PCDHGA11: variants seen among roughly 807,000 people sequenced by gnomAD.
PCDHGA11 encodes protocadherin gamma-A11.
Under a neutral mutation model 60.4 loss-of-function variants are expected in PCDHGA11, and 39 were observed. The ratio of observed to expected loss-of-function variants is 0.65; its 90% CI spans 0.50 to 0.84. The LOEUF (loss-of-function observed/expected upper bound fraction) is 0.84. Among genes scored for constraint, PCDHGA11 ranks in the 40% least tolerant of loss-of-function variants. PCDHGA11 has a pLI of 0.00. For synonymous variants in PCDHGA11, 533 were observed against 510.3 expected, an observed-to-expected ratio of 1.04 and a Z score of -0.60; for missense variants, 1,165 against 1,197.7, an observed-to-expected ratio of 0.97 and a Z score of 0.40.
In PCDHGA11 at chr5:141,423,374, G is replaced by T. The variant is rs1356564295; in HGVS notation, c.2147G>T (p.Arg716Met). 1.2e-6 allele frequency: 2 copies of T among 1,614,188 alleles called. No individual in the cohort carries two copies. The highest frequency in any genetic ancestry group is 1.7e-5 in the Admixed American group (1 of 60,036). ...LVFVIVLLALRLWRWHKSRLL... is the reference protein window; with the variant it reads ...LVFVIVLLALMLWRWHKSRLL... ...TTTGTCATCGTGCTGCTGGCACTCA[G>T]GCTGTGGCGCTGGCATAAGTCACGC... The change falls in exon 1 of 4, where the codon AGG (arginine) becomes ATG (methionine). Residue 716 changes from arginine to methionine, a missense_variant. Coordinates refer to ENST00000398587, the MANE Select transcript of PCDHGA11 (RefSeq NM_018914.3).
intron 1 of PCDHGA11, chr5:141,424,572 T>C (rs1272121500): frequency 6.6e-6 from 1 of 152,238 alleles, no homozygotes; most frequent in East Asian, 1.9e-4. Context: ...CAAAAACCTA[T>C]TTTCAAATGT....
At chr5:141,434,070 T>C (rs1004240895) in intron 1 of PCDHGA11, among the ~76,000 whole-genome samples, 3 of 152,226 alleles carry the variant, frequency 2.0e-5, no homozygotes, top group Non-Finnish European at 2.9e-5. Context: ...TCTGTTAATA[T>C]CAATTATTTA....
In PCDHGA11 at chr5:141,421,919, TG is replaced by T; in HGVS notation, c.694del (p.Val232TrpfsTer5). On this transcript the variant is annotated frameshift_variant, in exon 1 of 4. Coordinates refer to ENST00000398587, the MANE Select transcript of PCDHGA11 (RefSeq NM_018914.3). LOFTEE classifies it high-confidence loss of function. ...CGAAAGGGCGCAGTTCCCATTCGTG[TG>T]GTGGTCCTCGATGTAAATGATCACA... ...PIRKGAVPIR[V>X]VVLDVNDHIP... 1 of 1,613,642 alleles carries T rather than the reference TG, an allele frequency of 6.2e-7. No homozygotes were observed. Among genetic ancestry groups the T allele is most frequent in the Non-Finnish European group, 8.5e-7 (1 of 1,179,828 alleles).
intron 3 of PCDHGA11, among the ~76,000 whole-genome samples, chr5:141,510,369 C>G (rs1403924479): frequency 7.1e-6 from 1 of 140,308 alleles, no homozygotes; most frequent in Non-Finnish European, 1.6e-5. Context: ...TACCGAATCT[C>G]TACTCGTGCC....
intron 3 of PCDHGA11, among the ~76,000 whole-genome samples, chr5:141,506,429 A>G (rs1406730781): frequency 7.0e-6 from 1 of 143,144 alleles, no homozygotes; most frequent in Non-Finnish European, 1.5e-5. Flanking sequence ...CCTGGGCAAC[A>G]GTCTCGCTCT....
At chr5:141,498,467 G>C (rs535351060) in intron 2 of PCDHGA11, among the ~76,000 whole-genome samples, 1 of 152,116 alleles carries the variant, frequency 6.6e-6, no homozygotes, top group East Asian at 1.9e-4. Context: ...GTCTAACCCT[G>C]GTTCCAGCCT....
At chr5:141,442,005 C>G (rs1037210381) in intron 1 of PCDHGA11, 1 of 229,014 alleles carries the variant, frequency 4.4e-6, no homozygotes. Flanking sequence ...GCTGACAGCT[C>G]GCACGATGGG....
At chr5:141,446,202 G>T (rs780900822) in intron 1 of PCDHGA11, among the ~76,000 whole-genome samples, 13 of 152,094 alleles carry the variant, frequency 8.5e-5, no homozygotes, top group Non-Finnish European at 1.8e-4. Context: ...ATATTCCTAG[G>T]TGTCTGAAAA....
At chr5:141,465,767 T>A (rs1427458413) in intron 1 of PCDHGA11, among the ~76,000 whole-genome samples, 1 of 152,016 alleles carries the variant, frequency 6.6e-6, no homozygotes, top group Non-Finnish European at 1.5e-5. Context: ...TCATGTTTCA[T>A]CTCTTGTTAC....
At chr5:141,498,222 T>A (rs1258826914) in intron 2 of PCDHGA11, among the ~76,000 whole-genome samples, 1 of 152,218 alleles carries the variant, frequency 6.6e-6, no homozygotes, top group East Asian at 1.9e-4. Flanking sequence ...GCATTCCAGA[T>A]GGTCAGGCAT....
intron 1 of PCDHGA11, among the ~76,000 whole-genome samples, chr5:141,480,106 A>C (rs1466691134): frequency 6.6e-6 from 1 of 152,196 alleles, no homozygotes; most frequent in Non-Finnish European, 1.5e-5. Context: ...AGTGTTTAGC[A>C]TGGTGCCTGG....
chr5:141,461,648 A>G (rs910827619), intron 1 of PCDHGA11, among the ~76,000 whole-genome samples: 2 of 152,070 alleles, frequency 1.3e-5, no homozygotes, highest in South Asian at 2.1e-4. Context: ...TCTTTGACCC[A>G]TGGATTATTT....
chr5:141,491,118 T>C lies in PCDHGA11; in HGVS notation c.2434-3689T>C, dbSNP rs1421005816. Reference sequence around the variant, plus strand: ...TGTTCCTCGTGTCTACACACACTGGTGAGGTGCGCACAGCCCGGGCCTTAC... The same window carrying C: ...TGTTCCTCGTGTCTACACACACTGGCGAGGTGCGCACAGCCCGGGCCTTAC... On this transcript the variant is annotated intron_variant, in intron 1 of 3. Coordinates refer to ENST00000398587, the MANE Select transcript of PCDHGA11 (RefSeq NM_018914.3). This position sits in a 1 kb window ranked among gnomAD's most constrained non-coding sequence, Gnocchi z 6.9. The C allele has an allele frequency of 1.2e-6, 2 of 1,613,926 alleles. No homozygotes were observed. Among genetic ancestry groups the C allele is most frequent in the African/African-American group, 2.7e-5 (2 of 74,890 alleles).
At chr5:141,434,035 T>C (rs2154556047) in intron 1 of PCDHGA11, among the ~76,000 whole-genome samples, 1 of 152,316 alleles carries the variant, frequency 6.6e-6, no homozygotes, top group Non-Finnish European at 1.5e-5. Flanking sequence ...AAGCATGGTT[T>C]TCTATTTTAT....
intron 1 of PCDHGA11, among the ~76,000 whole-genome samples, chr5:141,452,137 G>A (rs2154563838): frequency 6.6e-6 from 1 of 152,162 alleles, no homozygotes; most frequent in East Asian, 1.9e-4. Flanking sequence ...TGGCTCATGT[G>A]TTTTTTCCAA....
rs369942815 is a variant in PCDHGA11, at chr5:141,485,334, T to A, written c.2434-9473T>A. 5.4e-5 allele frequency: 87 copies of A among 1,614,056 alleles called. No individual in the cohort carries two copies. Among genetic ancestry groups the A allele is most frequent in the Non-Finnish European group, 7.0e-5 (83 of 1,180,026 alleles). On this transcript the variant is annotated intron_variant, in intron 1 of 3. Coordinates refer to ENST00000398587, the MANE Select transcript of PCDHGA11 (RefSeq NM_018914.3). The surrounding 1 kb of genome is among the most constrained non-coding windows in gnomAD (Gnocchi z 5.7). Reference sequence around the variant, plus strand: ...GGGAATGTCGCTCAAGATTTCCTGCTGGATACGGACAGTCTGTCAGCTCGC... The same window carrying A: ...GGGAATGTCGCTCAAGATTTCCTGCAGGATACGGACAGTCTGTCAGCTCGC...
chr5:141,431,178 TAA>T lies in PCDHGA11; in HGVS notation c.2433+7522_2433+7523del. On this transcript the variant is annotated intron_variant, in intron 1 of 3. Transcript: ENST00000398587. This position sits in a 1 kb window ranked among gnomAD's most constrained non-coding sequence, Gnocchi z 4.8. ...TACTTTCGTGAAAGTGAATTAGAAA[TAA>T]AAATTAGTGAAAATGCAGCCACTGA... is the stretch of plus-strand genomic sequence containing the variant. 1 of 1,614,078 alleles carries T rather than the reference TAA, an allele frequency of 6.2e-7. No homozygotes were observed. Among genetic ancestry groups the T allele is most frequent in the Non-Finnish European group, 8.5e-7 (1 of 1,180,000 alleles).
intron 1 of PCDHGA11, among the ~76,000 whole-genome samples, chr5:141,443,594 T>C (rs1040469046): frequency 1.3e-5 from 2 of 152,234 alleles, no homozygotes; most frequent in Non-Finnish European, 2.9e-5. Flanking sequence ...CAGAATGTGG[T>C]ATATGAAATG....
At position 141,422,330 on chromosome 5, in the gene PCDHGA11, C is replaced by T. The variant is rs200342957; in HGVS notation, c.1103C>T (p.Ala368Val). 1,454 of 1,548,164 alleles carry T rather than the reference C, an allele frequency of 9.4e-4. 3 individuals carry two copies. The highest frequency in any genetic ancestry group is 7.9e-4 in the Non-Finnish European group (910 of 1,153,526). The change falls in exon 1 of 4, where the codon GCT (alanine) becomes GTT (valine). Residue 368 changes from alanine (A) to valine (V), a missense_variant. By Grantham distance (64) the Ala-to-Val change is moderately conservative (BLOSUM62 0). Transcript: ENST00000398587. The stretch of plus-strand genomic sequence containing the variant: ...AACTCTCCTCCAGGTACAGTGATTG[C>T]TCTTCTAAATGTGCAAGATCAAGAT... ...LENSPPGTVI[A>V]LLNVQDQDSG...
Sources: allele counts gnomAD v4.1 joint callset (sites outside exome capture counted in the v4.1 genomes callset), GRCh38; gene constraint gnomAD v4.1.1; non-coding constraint Gnocchi (gnomAD v3.1); transcripts MANE v1.5; gene names NCBI Gene and HGNC (gene_info 2026-07-23, HGNC 2026-07-21).